The following DHDDS variants were observed in gnomAD, a reference collection of about 807,000 sequenced individuals.
DHDDS encodes the protein dehydrodolichyl diphosphate synthase complex subunit DHDDS.
In DHDDS, 16 loss-of-function variants were observed where a neutral mutation model predicts 46.2. That is an observed-to-expected ratio of 0.35 (90% CI 0.23 to 0.53). The LOEUF (loss-of-function observed/expected upper bound fraction) is 0.53. Ranked by LOEUF, DHDDS falls within the 20% of genes least tolerant of loss-of-function variation. The pLI, the probability that DHDDS is intolerant of heterozygous loss-of-function variation, is 0.94. For synonymous variants in DHDDS, 151 were observed against 163.1 expected (o/e 0.93, Z 0.56); for missense variants, 340 against 423.7 (o/e 0.80, Z 1.73).
chr1:26,459,777 C>G (rs1393594690), intron 7 of DHDDS, among the ~76,000 whole-genome samples: 3 of 152,158 alleles, frequency 2.0e-5, no homozygotes, highest in African/African-American at 7.2e-5. Flanking sequence ...TTAGAAAAAT[C>G]CTGGTGGAAA....
intron 7 of DHDDS, among the ~76,000 whole-genome samples, chr1:26,459,249 A>G (rs943731534): frequency 6.6e-6 from 1 of 152,206 alleles, no homozygotes; most frequent in African/African-American, 2.4e-5. Context: ...GGACCTTAGT[A>G]GAAGTTGTAG....
intron 6 of DHDDS, chr1:26,447,963 G>A (rs1185310925): frequency 6.9e-6 from 4 of 579,086 alleles, no homozygotes; most frequent in Non-Finnish European, 1.2e-5. Context: ...ATTAGGATTG[G>A]CTTATTACAA....
chr1:26,436,605 A>C (rs2075159740), intron 2 of DHDDS, among the ~76,000 whole-genome samples: 1 of 151,556 alleles, frequency 6.6e-6, no homozygotes, highest in Non-Finnish European at 1.5e-5. Flanking sequence ...TTGTATTTTT[A>C]GTAGAGACGG....
At chr1:26,453,097 C>CAG (rs199547389) in intron 6 of DHDDS, among the ~76,000 whole-genome samples, 23 of 146,414 alleles carry the variant, frequency 1.6e-4, no homozygotes, top group African/African-American at 5.3e-4. Flanking sequence ...GTCTGAAACA[C>CAG]ACACACACAC....
At chr1:26,443,629 G>C (rs76852256) in intron 4 of DHDDS, among the ~76,000 whole-genome samples, 1 of 152,196 alleles carries the variant, frequency 6.6e-6, no homozygotes, top group African/African-American at 2.4e-5. Context: ...GTACCAGGAA[G>C]ATGAGAGAAC....
At chr1:26,435,074 A>G (rs1376037004) in intron 2 of DHDDS, among the ~76,000 whole-genome samples, 3 of 150,892 alleles carry the variant, frequency 2.0e-5, no homozygotes, top group African/African-American at 4.9e-5. Context: ...CAGTGGCACA[A>G]TCTCAGCTCA....
intron 6 of DHDDS, among the ~76,000 whole-genome samples, chr1:26,456,249 G>C (rs775162540): frequency 3.9e-5 from 6 of 152,182 alleles, no homozygotes; most frequent in Admixed American, 6.5e-5. Flanking sequence ...TTGCACACCT[G>C]TGGTCCTAGC....
At chr1:26,436,060 C>T (rs2075151536) in intron 2 of DHDDS, among the ~76,000 whole-genome samples, 1 of 151,304 alleles carries the variant, frequency 6.6e-6, no homozygotes, top group Non-Finnish European at 1.5e-5. Context: ...CTATGAGTTC[C>T]TTTTTTCTGT....
intron 8 of DHDDS, among the ~76,000 whole-genome samples, chr1:26,460,689 C>T (rs1002264731): frequency 6.6e-6 from 1 of 152,102 alleles, no homozygotes; most frequent in Admixed American, 6.5e-5. Context: ...ATGATTAGGT[C>T]TCTTTATAAT....
chr1:26,440,835 T>C (rs2075210943), intron 3 of DHDDS, among the ~76,000 whole-genome samples: 1 of 152,176 alleles, frequency 6.6e-6, no homozygotes, highest in Admixed American at 6.6e-5. Flanking sequence ...CCTCCCGCTC[T>C]CCATCTCTCA....
chr1:26,469,405 A>C lies in DHDDS; in HGVS notation c.*274A>C, dbSNP rs963136115. 1.8e-6 allele frequency: 1 copy of C among 555,442 alleles called. No homozygotes were observed. The highest frequency in any genetic ancestry group is 1.9e-5 in the African/African-American group (1 of 52,946). 34.4% of individuals were successfully genotyped at this position (555,442 alleles called of 1,614,324 possible). ...TTTGGAGAGCAAAGGGCCACAACTC[A>C]TCAGCTGCCTGTCTCTTAGATGCAC... On this transcript the variant is annotated 3_prime_UTR_variant, in exon 9 of 9. Coordinates refer to ENST00000236342, the MANE Select transcript of DHDDS (RefSeq NM_205861.3).
At position 26,470,830 on chromosome 1, in the gene DHDDS, T is replaced by C. The variant is rs1415645492; in HGVS notation, c.*1699T>C. On this transcript the variant is annotated 3_prime_UTR_variant, in exon 9 of 9. Transcript: ENST00000236342. ...GGAGGCATGAATTATGCGGCTATAA[T>C]GCAGAGCCCTACAATTAAGGCGGGA... 2 of 152,708 alleles carry C rather than the reference T, an allele frequency of 1.3e-5. No homozygotes were observed. Among genetic ancestry groups the C allele is most frequent in the African/African-American group, 4.8e-5 (2 of 41,420 alleles). 9.5% of individuals were successfully genotyped at this position (152,708 alleles called of 1,614,324 possible). A position where few individuals can be genotyped will look rare whatever the true frequency, so the allele number is the denominator to read the frequency against.
chr1:26,432,962 A>C lies in DHDDS; in HGVS notation c.17A>C (p.Glu6Ala), dbSNP rs2124329460. ...AAAAGAACTATGTCATGGATCAAGG[A>C]AGGAGAGCTGTCACTTTGGGAGCGG... MSWIK[E>A]GELSLWERFC... The change falls in exon 2 of 9, where the codon GAA (glutamate) becomes GCA (alanine). Residue 6 changes from glutamate (E) to alanine (A), a missense_variant. Coordinates refer to ENST00000236342, the MANE Select transcript of DHDDS (RefSeq NM_205861.3). 6.2e-7 allele frequency: 1 copy of C among 1,614,206 alleles called. No individual in the cohort carries two copies. Among genetic ancestry groups the C allele is most frequent in the South Asian group, 1.1e-5 (1 of 91,082 alleles).
intron 4 of DHDDS, among the ~76,000 whole-genome samples, chr1:26,445,503 A>G (rs1175717562): frequency 1.3e-5 from 2 of 152,234 alleles, no homozygotes; most frequent in African/African-American, 4.8e-5. Context: ...ACTTGAGGCC[A>G]GGAGTTTGAG....
intron 6 of DHDDS, among the ~76,000 whole-genome samples, chr1:26,451,631 CTTTTTTTTTTTTT>C (rs201092863): frequency 7.7e-6 from 1 of 129,980 alleles, no homozygotes; most frequent in African/African-American, 2.8e-5. Context: ...ATTTTTTTTT[CTTTTTTTTTTTTT>C]TTGAGACAGA....
rs2075537611 is a variant in DHDDS, at chr1:26,470,028, A to C, written c.*897A>C. On this transcript the variant is annotated 3_prime_UTR_variant, in exon 9 of 9. Coordinates refer to ENST00000236342, the MANE Select transcript of DHDDS (RefSeq NM_205861.3). ...CATCTCAAACTCTGATTCCCACTCC[A>C]CTCTTCGAGGTTTCTCTCAGCTTTT... 1 of 151,492 alleles carries C rather than the reference A, an allele frequency of 6.6e-6. No individual in the cohort carries two copies. The highest frequency in any genetic ancestry group is 2.4e-5 in the African/African-American group (1 of 41,154). The allele number at this position is 151,492 out of a possible 1,614,324, so 9.4% of individuals were successfully genotyped here. A position where few individuals can be genotyped will look rare whatever the true frequency, so the allele number is the denominator to read the frequency against.
At chr1:26,455,016 C>T (rs1019443129) in intron 6 of DHDDS, 67 of 1,333,536 alleles carry the variant, frequency 5.0e-5, no homozygotes, top group Middle Eastern at 2.5e-4. Flanking sequence ...CGGAATGGTA[C>T]GCACTGTTTC....
Position 26,432,924 on chromosome 1 carries a change from ATCT to A in DHDDS, c.-18_-16del, listed in dbSNP as rs779305770. On this transcript the variant is annotated 5_prime_UTR_variant, in exon 2 of 9. Coordinates refer to ENST00000236342, the MANE Select transcript of DHDDS (RefSeq NM_205861.3). The stretch of plus-strand genomic sequence containing the variant: ...GCTGGTGTTTGCTTGTTCTGGAGTG[ATCT>A]TCTGACTGGAAAAGAACTATGTCAT... The A allele has an allele frequency of 1.9e-6, 3 of 1,613,886 alleles. No individual in the cohort carries two copies. The East Asian group carries it at 6.7e-5, about 36-fold the overall frequency.
intron 2 of DHDDS, among the ~76,000 whole-genome samples, chr1:26,437,707 C>A (rs2075174387): frequency 6.6e-6 from 1 of 151,760 alleles, no homozygotes; most frequent in Non-Finnish European, 1.5e-5. Context: ...AATGCCTGAC[C>A]TCAAGTGATC....
Sources: allele counts gnomAD v4.1 joint callset (sites outside exome capture counted in the v4.1 genomes callset), GRCh38; gene constraint gnomAD v4.1.1; transcripts MANE v1.5; gene names NCBI Gene and HGNC (gene_info 2026-07-23, HGNC 2026-07-21).